Variants in PCBP3 observed in about 807,000 individuals in gnomAD.
PCBP3 encodes poly(rC)-binding protein 3.
A neutral mutation model predicts 52.7 loss-of-function variants in PCBP3; 25 were observed. The observed-to-expected ratio is 0.47, with a 90% CI of 0.35 to 0.66. The LOEUF is 0.66. PCBP3 is among the 30% of genes least tolerant of loss of function. PCBP3 has a pLI of 0.01. For synonymous variants in PCBP3, 162 were observed against 183.0 expected, an observed-to-expected ratio of 0.89 and a Z score of 0.93; for missense variants, 391 against 490.3, an observed-to-expected ratio of 0.80 and a Z score of 1.91.
At chr21:45,797,689 G>T (rs1415000729) in intron 4 of PCBP3, among the ~76,000 whole-genome samples, 1 of 152,112 alleles carries the variant, frequency 6.6e-6, no homozygotes, top group Admixed American at 6.5e-5. Context: ...TGCATAGATG[G>T]ACGAGTGCAT....
At chr21:45,664,901 A>G (rs1195815547) in intron 1 of PCBP3, among the ~76,000 whole-genome samples, 1 of 151,732 alleles carries the variant, frequency 6.6e-6, no homozygotes, top group Non-Finnish European at 1.5e-5. Context: ...GTTTACTGAG[A>G]ATGATGATTT....
In PCBP3 at chr21:45,917,542, T is replaced by A. The variant is rs1186567423; in HGVS notation, c.676-46T>A. 1.9e-6 allele frequency: 3 copies of A among 1,549,746 alleles called. No individual in the cohort carries two copies. Among genetic ancestry groups the A allele is most frequent in the Non-Finnish European group, 2.7e-6 (3 of 1,124,152 alleles). On this transcript the variant is annotated intron_variant, in intron 12 of 17. Coordinates refer to ENST00000681687, the MANE Select transcript of PCBP3 (RefSeq NM_001384156.1). This position sits in a 1 kb window ranked among gnomAD's most constrained non-coding sequence, Gnocchi z 5.3. Reference sequence around the variant, plus strand: ...GAGGGTGGCGGCGGGTGCTGAGCCGTGGTGCAGCCAGGTTGCAGTCTGACG... The same window carrying A: ...GAGGGTGGCGGCGGGTGCTGAGCCGAGGTGCAGCCAGGTTGCAGTCTGACG...
Position 45,800,240 on chromosome 21 carries a change from C to A in PCBP3, c.-126+44788C>A, listed in dbSNP as rs2146705986. On this transcript the variant is annotated intron_variant, in intron 4 of 17. Coordinates refer to ENST00000681687, the MANE Select transcript of PCBP3 (RefSeq NM_001384156.1). The surrounding 1 kb of genome is among the most constrained non-coding windows in gnomAD (Gnocchi z 5.3). ...CAGCTTTTTCTTGGGAGCACCGGGC[C>A]AAGCCAGAGGCTCCTGGCAGATCCA... Among the ~76,000 whole-genome samples, 1 of 152,300 alleles carries A rather than the reference C, an allele frequency of 6.6e-6. No individual in the cohort carries two copies. The highest frequency in any genetic ancestry group is 2.4e-5 in the African/African-American group (1 of 41,570).
intron 2 of PCBP3, among the ~76,000 whole-genome samples, chr21:45,721,575 T>C (rs1207779464): frequency 6.6e-6 from 1 of 152,194 alleles, no homozygotes; most frequent in Non-Finnish European, 1.5e-5. Flanking sequence ...AATGACTTAT[T>C]ATTAGGTTCA....
At chr21:45,731,869 C>CTT (rs60209238) in intron 2 of PCBP3, among the ~76,000 whole-genome samples, 97 of 149,670 alleles carry the variant, frequency 6.5e-4, no homozygotes, top group African/African-American at 2.1e-3. Flanking sequence ...AATGCATTGC[C>CTT]TTTTTTTTTT....
At chr21:45,714,348 G>A (rs1241247879) in intron 2 of PCBP3, among the ~76,000 whole-genome samples, 1 of 152,076 alleles carries the variant, frequency 6.6e-6, no homozygotes, top group African/African-American at 2.4e-5. Context: ...TCCTTTTTCT[G>A]GTTGCTTAGG....
rs557155243 is a variant in PCBP3 at position 45,914,235 on chromosome 21, G to A, written c.675+210G>A. On this transcript the variant is annotated intron_variant, in intron 12 of 17. Coordinates refer to ENST00000681687, the MANE Select transcript of PCBP3 (RefSeq NM_001384156.1). ...CATTCCCCCACAGAGACGGCCCCAC[G>A]GAATCATGTTCTCCCTCCCTGACCC... 1.1e-4 allele frequency: 76 copies of A among 712,504 alleles called. 2 individuals carry two copies. The South Asian group carries it at 1.3e-3, about 12-fold the overall frequency. 44.1% of individuals were successfully genotyped at this position (712,504 alleles called of 1,614,324 possible). A position where few individuals can be genotyped will look rare whatever the true frequency, so the allele number is the denominator to read the frequency against.
chr21:45,760,073 T>C (rs1375700406), intron 4 of PCBP3: 2 of 152,234 alleles, frequency 1.3e-5, no homozygotes, highest in African/African-American at 4.8e-5. Context: ...CTAACTGATA[T>C]ACTTAATATA....
Position 45,644,989 on chromosome 21 carries a change from A to G in PCBP3, c.-279+1121A>G, listed in dbSNP as rs1324504626. Among the ~76,000 whole-genome samples the G allele has an allele frequency of 4.6e-5, 7 of 152,216 alleles. No homozygotes were observed. In the East Asian group the frequency reaches 1.3e-3, roughly 29 times the overall value. ...AGAGAACTAACTCCCAGTCCTCCTC[A>G]TATTCAAGAATAATTCATCATCTTA... On this transcript the variant is annotated intron_variant, in intron 1 of 17. Coordinates refer to ENST00000681687, the MANE Select transcript of PCBP3 (RefSeq NM_001384156.1).
chr21:45,875,458 C>T (rs1018566848), intron 5 of PCBP3, among the ~76,000 whole-genome samples: 1 of 152,208 alleles, frequency 6.6e-6, no homozygotes, highest in African/African-American at 2.4e-5. Context: ...TCAAGTCACA[C>T]AACGTCAGAA....
intron 5 of PCBP3, among the ~76,000 whole-genome samples, chr21:45,863,407 C>T (rs1458101559): frequency 6.6e-6 from 1 of 152,256 alleles, no homozygotes; most frequent in Non-Finnish European, 1.5e-5. Flanking sequence ...CCCACCCCTT[C>T]CTATTCCAGG....
chr21:45,819,572 A>G (rs1000596896), intron 4 of PCBP3, among the ~76,000 whole-genome samples: 4 of 152,242 alleles, frequency 2.6e-5, no homozygotes, highest in African/African-American at 9.6e-5. Context: ...TCTGGTTTCT[A>G]GAGTGGAAAA....
In PCBP3 at chr21:45,941,499, G is replaced by A. The variant is rs557672422; in HGVS notation, c.1080-171G>A. Among the ~76,000 whole-genome samples, 164 of 152,274 alleles carry A rather than the reference G, an allele frequency of 1.1e-3. 1 individual carries two copies. Among genetic ancestry groups the A allele is most frequent in the Admixed American group, 1.6e-3 (24 of 15,308 alleles). ...TGATGGGCATGGCGGGGACCAGGGC[G>A]GGGAAGAGGCCTGTGTGCTCTGCTG... On this transcript the variant is annotated intron_variant, in intron 17 of 17. Coordinates refer to ENST00000681687, the MANE Select transcript of PCBP3 (RefSeq NM_001384156.1).
chr21:45,925,079 AG>A, intron 13 of PCBP3, among the ~76,000 whole-genome samples: 1 of 90,446 alleles, frequency 1.1e-5, no homozygotes, highest in African/African-American at 5.8e-5. Flanking sequence ...GTGCGTGAGG[AG>A]ATGCGAACAC....
chr21:45,813,489 T>C (rs1238241334), intron 4 of PCBP3, among the ~76,000 whole-genome samples: 1 of 152,226 alleles, frequency 6.6e-6, no homozygotes, highest in African/African-American at 2.4e-5. Context: ...TTGCCCAGGC[T>C]GGAGTGCAGT....
intron 2 of PCBP3, among the ~76,000 whole-genome samples, chr21:45,696,356 A>T (rs1464902560): frequency 1.3e-5 from 2 of 152,184 alleles, no homozygotes; most frequent in Non-Finnish European, 2.9e-5. Context: ...TAAAAATAAG[A>T]ACTTTTGTTT....
intron 3 of PCBP3, chr21:45,747,927 T>C (rs1398607103): frequency 1.3e-5 from 2 of 152,154 alleles, no homozygotes; most frequent in African/African-American, 4.8e-5. Context: ...AGTGCTGCCC[T>C]CCCGGAGGTT....
intron 13 of PCBP3, among the ~76,000 whole-genome samples, chr21:45,926,622 G>A (rs997467121): frequency 1.3e-5 from 2 of 152,154 alleles, no homozygotes; most frequent in Non-Finnish European, 2.9e-5. Context: ...AGCTGCCCAC[G>A]AGAGCCTGGG....
Position 45,799,617 on chromosome 21 carries a change from T to A in PCBP3, c.-126+44165T>A, listed in dbSNP as rs566728195. Among the ~76,000 whole-genome samples the A allele has an allele frequency of 1.4e-4, 22 of 152,038 alleles. No individual in the cohort carries two copies. In the South Asian group the frequency reaches 4.4e-3, roughly 30 times the overall value. On this transcript the variant is annotated intron_variant, in intron 4 of 17. Transcript: ENST00000681687. Reference sequence around the variant, plus strand: ...TCTTCAGCCTTCTCCTCAGAACAGATCTTCTGCAAGACTTTGGCAGATGAT... The same window carrying A: ...TCTTCAGCCTTCTCCTCAGAACAGAACTTCTGCAAGACTTTGGCAGATGAT...
Sources: allele counts gnomAD v4.1 joint callset (sites outside exome capture counted in the v4.1 genomes callset), GRCh38; gene constraint gnomAD v4.1.1; non-coding constraint Gnocchi (gnomAD v3.1); transcripts MANE v1.5; gene names NCBI Gene and HGNC (gene_info 2026-07-23, HGNC 2026-07-21).